Variants in CALD1 observed in about 807,000 individuals in gnomAD.
CALD1 encodes the protein caldesmon.
A neutral mutation model predicts 99.9 loss-of-function variants in CALD1; 33 were observed. That is an observed-to-expected ratio of 0.33 (90% CI 0.25 to 0.44). The LOEUF (loss-of-function observed/expected upper bound fraction) is 0.44, where lower values mean the gene tolerates loss of function less well. CALD1 is among the 20% of genes least tolerant of loss of function. The pLI is 1.00. For missense variants in CALD1, 861 were observed against 962.1 expected, an observed-to-expected ratio of 0.89 and a Z score of 1.39; for synonymous variants, 310 against 325.0, an observed-to-expected ratio of 0.95 and a Z score of 0.50.
the CALD1 span, among the ~76,000 whole-genome samples, chr7:134,733,668 G>C: frequency 6.6e-6 from 1 of 151,892 alleles, no homozygotes; most frequent in South Asian, 2.1e-4. Context: ...AATTAGCCGG[G>C]CGTGGTGGTG....
chr7:134,825,568 T>C (rs1337464528), intron 1 of CALD1, among the ~76,000 whole-genome samples: 1 of 152,168 alleles, frequency 6.6e-6, no homozygotes, highest in Non-Finnish European at 1.5e-5. Context: ...CTTATGTATA[T>C]TTTCCCAGAA....
intron 2 of CALD1, among the ~76,000 whole-genome samples, chr7:134,851,313 G>A (rs565304666): frequency 6.6e-6 from 1 of 152,104 alleles, no homozygotes; most frequent in African/African-American, 2.4e-5. Context: ...TGGCTCACTG[G>A]AGTAAAGAGA....
intron 1 of CALD1, among the ~76,000 whole-genome samples, chr7:134,832,504 T>C (rs1799271198): frequency 6.6e-6 from 1 of 152,246 alleles, no homozygotes; most frequent in Admixed American, 6.5e-5. Flanking sequence ...CTGCCTGAGA[T>C]ACTGTGGGGT....
At chr7:134,886,362 T>C (rs548339189) in intron 3 of CALD1, among the ~76,000 whole-genome samples, 1 of 152,242 alleles carries the variant, frequency 6.6e-6, no homozygotes, top group East Asian at 1.9e-4. Flanking sequence ...AGAGTGGGCA[T>C]AGGACTTACA....
intron 1 of CALD1, among the ~76,000 whole-genome samples, chr7:134,800,377 A>G (rs1315495884): frequency 2.0e-5 from 3 of 152,092 alleles, no homozygotes. Context: ...AACTGTGCCA[A>G]TCTCCCATAA....
At chr7:134,820,252 T>C (rs144718972) in intron 1 of CALD1, among the ~76,000 whole-genome samples, 15 of 152,330 alleles carry the variant, frequency 9.8e-5, no homozygotes, top group Non-Finnish European at 2.1e-4. Flanking sequence ...CTTGTACGTA[T>C]AGATGGACAA....
intron 3 of CALD1, among the ~76,000 whole-genome samples, chr7:134,893,754 G>A (rs1802369121): frequency 6.6e-6 from 1 of 152,090 alleles, no homozygotes; most frequent in Non-Finnish European, 1.5e-5. Flanking sequence ...ACCGTCAATC[G>A]AGGAAAATGA....
intron 3 of CALD1, among the ~76,000 whole-genome samples, chr7:134,918,120 T>C (rs1042155251): frequency 2.6e-5 from 4 of 152,246 alleles, no homozygotes; most frequent in Non-Finnish European, 5.9e-5. Flanking sequence ...CATGGACTTA[T>C]CCTTCCAAAA....
rs539953508 is a variant in CALD1 at position 134,810,755 on chromosome 7, T to A, written c.-130+31006T>A. ...CTGTGCTCAGCCTTTGCATTCTCAG[T>A]CTGAGAATGCCTCCCATCCTCTTTT... On this transcript the variant is annotated intron_variant, in intron 1 of 14. Transcript: ENST00000361675. Among the ~76,000 whole-genome samples the A allele has an allele frequency of 3.0e-4, 45 of 152,238 alleles. 2 individuals are homozygous for A. In the South Asian group the frequency reaches 8.5e-3, roughly 29 times the overall value.
chr7:134,912,499 C>T (rs150626487), intron 3 of CALD1, among the ~76,000 whole-genome samples: 13 of 152,282 alleles, frequency 8.5e-5, no homozygotes, highest in African/African-American at 3.1e-4. Flanking sequence ...CAGACCAGTG[C>T]GTCCTCAGCT....
chr7:134,822,793 A>G (rs1267862747), intron 1 of CALD1, among the ~76,000 whole-genome samples: 1 of 152,068 alleles, frequency 6.6e-6, no homozygotes, highest in Non-Finnish European at 1.5e-5. Flanking sequence ...CATTCATTGC[A>G]TTTTTCTATT....
chr7:134,921,666 A>T (rs1355275895), intron 3 of CALD1, among the ~76,000 whole-genome samples: 1 of 152,010 alleles, frequency 6.6e-6, no homozygotes, highest in African/African-American at 2.4e-5. Flanking sequence ...ACAAAAATTA[A>T]TTGGGCGTGG....
chr7:134,848,654 T>C (rs1183596753), intron 2 of CALD1, among the ~76,000 whole-genome samples: 1 of 152,204 alleles, frequency 6.6e-6, no homozygotes, highest in Non-Finnish European at 1.5e-5. Context: ...GAAGCTCTTC[T>C]AGGAGTATTT....
At chr7:134,919,235 T>A (rs1397744240) in intron 3 of CALD1, among the ~76,000 whole-genome samples, 3 of 152,192 alleles carry the variant, frequency 2.0e-5, no homozygotes, top group African/African-American at 7.2e-5. Flanking sequence ...TGTCCTTTTA[T>A]AACTCAGAGT....
At chr7:134,914,203 GA>G (rs1238305430) in intron 3 of CALD1, among the ~76,000 whole-genome samples, 1 of 152,184 alleles carries the variant, frequency 6.6e-6, no homozygotes, top group African/African-American at 2.4e-5. Flanking sequence ...TGGGCAAAGT[GA>G]GTTCAAAACA....
At chr7:134,965,170 C>G (rs1018794015) in intron 13 of CALD1, 136 bp from the exon 14 acceptor site, 2 of 634,472 alleles carry the variant, frequency 3.2e-6, no homozygotes, top group Non-Finnish European at 5.8e-6. Flanking sequence ...CTTTCAATTC[C>G]ATTTCAGATC....
At chr7:134,766,794 C>T (rs1005340935) in intron 1 of CALD1, among the ~76,000 whole-genome samples, 7 of 151,848 alleles carry the variant, frequency 4.6e-5, no homozygotes, top group Non-Finnish European at 7.4e-5. Flanking sequence ...CCACCAAAGA[C>T]GAAGAGAGAA....
chr7:134,929,052 A>C (rs1375907567), intron 4 of CALD1, 152 bp downstream of exon 4: 8 of 652,458 alleles, frequency 1.2e-5, no homozygotes, highest in Non-Finnish European at 2.1e-5. Context: ...TTAGGCAACT[A>C]ATCTGATTAG....
chr7:134,784,744 C>T (rs574133643), intron 1 of CALD1, among the ~76,000 whole-genome samples: 12 of 152,208 alleles, frequency 7.9e-5, no homozygotes, highest in Non-Finnish European at 1.3e-4. Flanking sequence ...CCAAATAGGA[C>T]CAGGGCCCAA....
Sources: gnomAD v4.1 joint callset for allele counts (sites outside exome capture counted in the v4.1 genomes callset) on GRCh38, gnomAD v4.1.1 for gene constraint, MANE v1.5 for transcripts, NCBI Gene and HGNC (gene_info 2026-07-23, HGNC 2026-07-21) for gene names.